Variants in SPRED1 observed in about 807,000 individuals in gnomAD.
SPRED1 encodes sprouty-related, EVH1 domain-containing protein 1.
Under a neutral mutation model 52.3 loss-of-function variants are expected in SPRED1, and 18 were observed. That is an observed-to-expected ratio of 0.34 (90% CI 0.24 to 0.51). The LOEUF is 0.51. Ranked by LOEUF, SPRED1 falls within the 20% of genes least tolerant of loss-of-function variation. SPRED1 has a pLI of 0.97. For synonymous variants in SPRED1, 155 were observed against 179.7 expected (o/e 0.86, Z 1.10); for missense variants, 485 against 551.0 (o/e 0.88, Z 1.20).
chr15:38,330,660 G>A (rs942328064), intron 4 of SPRED1, among the ~76,000 whole-genome samples: 3 of 152,042 alleles, frequency 2.0e-5, no homozygotes, highest in African/African-American at 4.8e-5. Context: ...AGATATAAGG[G>A]CTCTTTACCA....
intron 4 of SPRED1, among the ~76,000 whole-genome samples, chr15:38,338,903 G>A (rs1164778850): frequency 6.6e-6 from 1 of 151,894 alleles, no homozygotes; most frequent in Non-Finnish European, 1.5e-5. Flanking sequence ...GCTTATGAAA[G>A]GTTTGAACCC....
chr15:38,317,987 C>G, intron 2 of SPRED1, among the ~76,000 whole-genome samples: 1 of 151,790 alleles, frequency 6.6e-6, no homozygotes. Flanking sequence ...TATTGTGTCA[C>G]TTAGATAAAT....
intron 1 of SPRED1, among the ~76,000 whole-genome samples, chr15:38,272,286 T>TTTTTTTTTTG (rs59415114): frequency 6.6e-6 from 1 of 150,680 alleles, no homozygotes. Flanking sequence ...GTTTTTTTTT[T>TTTTTTTTTTG]GAGATGAAGT....
chr15:38,264,267 T>C (rs1170275154), intron 1 of SPRED1, among the ~76,000 whole-genome samples: 2 of 152,216 alleles, frequency 1.3e-5, no homozygotes, highest in Non-Finnish European at 2.9e-5. Flanking sequence ...GTGGTAGAAC[T>C]GAGATTCAAA....
chr15:38,330,743 A>G (rs1227506408), intron 4 of SPRED1, among the ~76,000 whole-genome samples: 11 of 152,148 alleles, frequency 7.2e-5, no homozygotes, highest in Non-Finnish European at 1.5e-4. Flanking sequence ...TTTTAGTAGT[A>G]TATGAGCCAG....
chr15:38,299,557 A>G lies in SPRED1; in HGVS notation c.207+10A>G, dbSNP rs918390069. The G allele has an allele frequency of 3.1e-6, 5 of 1,610,138 alleles. No homozygotes were observed. On this transcript the variant is annotated intron_variant, in intron 2 of 6. Coordinates refer to ENST00000299084, the MANE Select transcript of SPRED1 (RefSeq NM_152594.3). ...ACTCAGGGACAAAATGGTAATGAAT[A>G]ATGTATCTAATACTATAATTTTAGA...
chr15:38,308,783 A>G (rs945750293), intron 2 of SPRED1, among the ~76,000 whole-genome samples: 1 of 152,220 alleles, frequency 6.6e-6, no homozygotes, highest in Admixed American at 6.5e-5. Flanking sequence ...TGCTGTGAAC[A>G]TTCACATACA....
At position 38,354,628 on chromosome 15, in the gene SPRED1, C is replaced by T. The variant is rs1270292411; in HGVS notation, c.*2964C>T. On this transcript the variant is annotated 3_prime_UTR_variant, in exon 7 of 7. Transcript: ENST00000299084. ...TGGTGACCACCTCTACCAGGGAAAC[C>T]AGGAATAAGAACTGTCTCAAAGGAA... 1 of 152,140 alleles carries T rather than the reference C, an allele frequency of 6.6e-6. No homozygotes were observed. Among genetic ancestry groups the T allele is most frequent in the African/African-American group, 2.4e-5 (1 of 41,420 alleles). 9.4% of individuals were successfully genotyped at this position (152,140 alleles called of 1,614,324 possible).
intron 5 of SPRED1, among the ~76,000 whole-genome samples, chr15:38,348,424 G>A (rs1272916656): frequency 6.6e-6 from 1 of 151,720 alleles, no homozygotes; most frequent in African/African-American, 2.4e-5. Context: ...ATCTGTGTGT[G>A]TGTGTGTGTG....
At chr15:38,339,126 ATTTAT>A (rs1555391987) in intron 4 of SPRED1, among the ~76,000 whole-genome samples, 3 of 150,728 alleles carry the variant, frequency 2.0e-5, no homozygotes, top group Non-Finnish European at 4.4e-5. Flanking sequence ...CTTACTTAAT[ATTTAT>A]TTTATATAAA....
rs62003523 is a variant in SPRED1 at position 38,297,445 on chromosome 15, T to C, written c.33-1928T>C. 2.1e-3 allele frequency among the ~76,000 whole-genome samples: 327 copies of C among 152,288 alleles called. 1 individual carries two copies. The highest frequency in any genetic ancestry group is 3.7e-3 in the Non-Finnish European group (254 of 68,034). ...CTTGCTCCAGCCCATCTCAGGAGAA[T>C]TTAATATCTACATCAACCCAACCTT... is the stretch of plus-strand genomic sequence containing the variant. On this transcript the variant is annotated intron_variant, in intron 1 of 6. Transcript: ENST00000299084.
At position 38,351,886 on chromosome 15, in the gene SPRED1, G is replaced by T. The variant is rs1044533508; in HGVS notation, c.*222G>T. 1.7e-6 allele frequency: 1 copy of T among 604,396 alleles called. No individual in the cohort carries two copies. Among genetic ancestry groups the T allele is most frequent in the African/African-American group, 1.9e-5 (1 of 53,860 alleles). The allele number at this position is 604,396 out of a possible 1,614,324, so 37.4% of individuals were successfully genotyped here. A position where few individuals can be genotyped will look rare whatever the true frequency, so the allele number is the denominator to read the frequency against. ...TACAGGTTGTAGAGTATTTGCAGAA[G>T]GAAACCATTTCTGGTTATTTGGCTA... On this transcript the variant is annotated 3_prime_UTR_variant, in exon 7 of 7. Coordinates refer to ENST00000299084, the MANE Select transcript of SPRED1 (RefSeq NM_152594.3).
chr15:38,260,763 A>G (rs144179555), intron 1 of SPRED1, among the ~76,000 whole-genome samples: 3,808 of 152,350 alleles, frequency 0.025, 62 homozygotes, highest in Non-Finnish European at 0.036. Flanking sequence ...GAAAGGGGTC[A>G]TAAGCTTTAC....
chr15:38,337,208 T>C (rs901655734), intron 4 of SPRED1, among the ~76,000 whole-genome samples: 1 of 152,242 alleles, frequency 6.6e-6, no homozygotes, highest in Non-Finnish European at 1.5e-5. Context: ...ATCACCACTT[T>C]TTAAAAAACC....
intron 1 of SPRED1, among the ~76,000 whole-genome samples, chr15:38,273,345 A>G (rs1024553868): frequency 6.6e-6 from 1 of 152,034 alleles, no homozygotes; most frequent in African/African-American, 2.4e-5. Context: ...TTGTGATCTA[A>G]GTAGCTACAA....
chr15:38,322,909 A>G (rs1180925949), intron 3 of SPRED1, among the ~76,000 whole-genome samples: 1 of 152,108 alleles, frequency 6.6e-6, no homozygotes, highest in African/African-American at 2.4e-5. Context: ...TTCCTTTGTT[A>G]TCTTGCCAGT....
chr15:38,269,117 T>A lies in SPRED1; in HGVS notation c.32+15900T>A, dbSNP rs149475208. Among the ~76,000 whole-genome samples the A allele has an allele frequency of 2.8e-4, 43 of 152,196 alleles. No individual in the cohort carries two copies. In the East Asian group the frequency reaches 7.8e-3, roughly 27 times the overall value. On this transcript the variant is annotated intron_variant, in intron 1 of 6. Coordinates refer to ENST00000299084, the MANE Select transcript of SPRED1 (RefSeq NM_152594.3). The stretch of plus-strand genomic sequence containing the variant: ...CCATGTCTGGCTAATTTTTTTGGTA[T>A]TTTTAGTAGAGACGGGGTTTCACCG...
chr15:38,307,884 G>A (rs941356837), intron 2 of SPRED1, among the ~76,000 whole-genome samples: 3 of 151,952 alleles, frequency 2.0e-5, no homozygotes, highest in African/African-American at 7.2e-5. Flanking sequence ...TTTTTTCTTA[G>A]GGTTATAAAA....
intron 2 of SPRED1, among the ~76,000 whole-genome samples, chr15:38,310,598 T>C (rs930421286): frequency 2.0e-5 from 3 of 152,208 alleles, no homozygotes; most frequent in African/African-American, 7.2e-5. Flanking sequence ...GTGTCTCTGT[T>C]TAGGTCTTTG....
Sources: allele counts gnomAD v4.1 joint callset (sites outside exome capture counted in the v4.1 genomes callset), GRCh38; gene constraint gnomAD v4.1.1; transcripts MANE v1.5; gene names NCBI Gene and HGNC (gene_info 2026-07-23, HGNC 2026-07-21).